AGBL4: variants seen among roughly 807,000 people sequenced by gnomAD.
AGBL4 encodes cytosolic carboxypeptidase 6.
AGBL4 carries 58 observed loss-of-function variants against 66.4 expected under a neutral mutation model. The ratio of observed to expected loss-of-function variants is 0.87; its 90% CI spans 0.71 to 1.09. The LOEUF is 1.09. Among genes scored for constraint, AGBL4 ranks in the 50% least tolerant of loss-of-function variants. The pLI is 0.00. For missense variants in AGBL4, 579 were observed against 631.0 expected (o/e 0.92, Z 0.88); for synonymous variants, 234 against 222.9 (o/e 1.05, Z -0.44).
At chr1:49,574,115 G>C (rs777271720) in intron 3 of AGBL4, among the ~76,000 whole-genome samples, 1 of 152,214 alleles carries the variant, frequency 6.6e-6, no homozygotes, top group Non-Finnish European at 1.5e-5. Context: ...TGGGCCCCTA[G>C]AGGTAAGGGT....
intron 4 of AGBL4, among the ~76,000 whole-genome samples, chr1:49,195,496 T>C (rs930571473): frequency 1.5e-4 from 23 of 152,260 alleles, no homozygotes; most frequent in Admixed American, 7.2e-4. Context: ...CTTTTCTGGT[T>C]TGTAAGGTGT....
chr1:48,914,464 T>C (rs764592980), intron 5 of AGBL4, among the ~76,000 whole-genome samples: 3 of 152,196 alleles, frequency 2.0e-5, no homozygotes, highest in Non-Finnish European at 4.4e-5. Flanking sequence ...TAAATTCTTT[T>C]AAATAACTTT....
intron 2 of AGBL4, among the ~76,000 whole-genome samples, chr1:49,761,760 C>T (rs766969248): frequency 1.3e-5 from 2 of 152,126 alleles, no homozygotes; most frequent in African/African-American, 2.4e-5. Flanking sequence ...TACTGTTAAC[C>T]ATCATCACCT....
rs867946894 is a variant in AGBL4 at position 49,629,219 on chromosome 1, C to T, written c.282+68094G>A. Among the ~76,000 whole-genome samples, 50 of 152,180 alleles carry T rather than the reference C, an allele frequency of 3.3e-4. 1 individual carries two copies. The highest frequency in any genetic ancestry group is 1.3e-4 in the Non-Finnish European group (9 of 68,036). On this transcript the variant is annotated intron_variant, in intron 3 of 13. Coordinates refer to ENST00000371839, the MANE Select transcript of AGBL4 (RefSeq NM_032785.4). ...CAATGGCAGAGTTGAATAGCTGTGA[C>T]GGAGATAGCATGGCCACAGGCCTAA...
rs114435740 is a variant in AGBL4, at chr1:49,854,371, T to A, written c.35-2853A>T. 3.4e-3 allele frequency among the ~76,000 whole-genome samples: 517 copies of A among 151,968 alleles called. 6 individuals are homozygous for A. The highest frequency in any genetic ancestry group is 0.012 in the African/African-American group (497 of 41,456). ...ATGATTGTCTCAGATCCAAAAGAAG[T>A]TCCCCACTGCAAAGGAAAGGTAAGT... On this transcript the variant is annotated intron_variant, in intron 1 of 13. Coordinates refer to ENST00000371839, the MANE Select transcript of AGBL4 (RefSeq NM_032785.4).
chr1:49,513,129 C>A (rs539082815), intron 3 of AGBL4, among the ~76,000 whole-genome samples: 1 of 152,176 alleles, frequency 6.6e-6, no homozygotes, highest in South Asian at 2.1e-4. Flanking sequence ...AAATGAACCT[C>A]TATCTTTAAA....
intron 5 of AGBL4, among the ~76,000 whole-genome samples, chr1:48,984,762 T>C (rs933709717): frequency 6.6e-6 from 1 of 151,718 alleles, no homozygotes; most frequent in East Asian, 2.0e-4. Flanking sequence ...ACGGTGAAAG[T>C]TGGAACAAAT....
intron 3 of AGBL4, among the ~76,000 whole-genome samples, chr1:49,374,761 C>A (rs1644436994): frequency 6.6e-6 from 1 of 152,140 alleles, no homozygotes. Flanking sequence ...GCCACTAGCA[C>A]AAAACAGGCT....
chr1:48,617,757 C>T (rs1189821818), intron 9 of AGBL4, among the ~76,000 whole-genome samples: 1 of 152,196 alleles, frequency 6.6e-6, no homozygotes, highest in Non-Finnish European at 1.5e-5. Context: ...CGGCCATGAC[C>T]ATGGCTTGGA....
At chr1:49,674,687 T>C (rs1397660194) in intron 3 of AGBL4, among the ~76,000 whole-genome samples, 3 of 151,814 alleles carry the variant, frequency 2.0e-5, no homozygotes, top group Non-Finnish European at 4.4e-5. Flanking sequence ...CCTAACTATC[T>C]ACCTAGATCT....
intron 6 of AGBL4, among the ~76,000 whole-genome samples, chr1:48,800,034 CCT>C (rs1645774337): frequency 6.6e-6 from 1 of 152,028 alleles, no homozygotes; most frequent in African/African-American, 2.4e-5. Flanking sequence ...GGGAGGATTC[CCT>C]CTTTTTGTAT....
intron 6 of AGBL4, among the ~76,000 whole-genome samples, chr1:48,666,849 T>A (rs1275523305): frequency 6.6e-6 from 1 of 152,248 alleles, no homozygotes. Context: ...GTAGCACTTA[T>A]TCTTTGCCAG....
chr1:49,726,495 C>T (rs924008968), intron 2 of AGBL4, among the ~76,000 whole-genome samples: 3 of 152,018 alleles, frequency 2.0e-5, no homozygotes, highest in Non-Finnish European at 4.4e-5. Context: ...GAGTATGAGA[C>T]AATAGAAACC....
chr1:49,633,098 A>T (rs898432366), intron 3 of AGBL4, among the ~76,000 whole-genome samples: 2 of 151,976 alleles, frequency 1.3e-5, no homozygotes, highest in Admixed American at 6.6e-5. Flanking sequence ...AAATAAAAAT[A>T]AAAATAAAAA....
intron 4 of AGBL4, among the ~76,000 whole-genome samples, chr1:49,215,692 A>G (rs147853360): frequency 6.6e-6 from 1 of 152,134 alleles, no homozygotes; most frequent in East Asian, 1.9e-4. Flanking sequence ...TCTGGACACA[A>G]TATGCTGGGT....
intron 5 of AGBL4, among the ~76,000 whole-genome samples, chr1:49,015,742 T>C (rs938145338): frequency 3.9e-5 from 6 of 152,108 alleles, no homozygotes; most frequent in Non-Finnish European, 8.8e-5. Flanking sequence ...TTTTTAACAT[T>C]ATCCTTACTC....
chr1:48,602,175 C>T (rs974581543), intron 9 of AGBL4, among the ~76,000 whole-genome samples: 4 of 152,020 alleles, frequency 2.6e-5, no homozygotes, highest in African/African-American at 9.7e-5. Flanking sequence ...ACATGTCTAA[C>T]CACTCAGCTG....
chr1:49,353,184 C>T (rs1289277740), intron 3 of AGBL4, among the ~76,000 whole-genome samples: 3 of 152,194 alleles, frequency 2.0e-5, no homozygotes, highest in African/African-American at 4.8e-5. Context: ...TAGTCCGTCT[C>T]TGCTGTTAAA....
chr1:49,257,818 C>A (rs1051856343), intron 3 of AGBL4, among the ~76,000 whole-genome samples: 1 of 152,086 alleles, frequency 6.6e-6, no homozygotes, highest in African/African-American at 2.4e-5. Context: ...TTGGCTCCTC[C>A]AGCACGGAGC....
Sources: gnomAD v4.1 joint callset for allele counts (sites outside exome capture counted in the v4.1 genomes callset) on GRCh38, gnomAD v4.1.1 for gene constraint, MANE v1.5 for transcripts, NCBI Gene and HGNC (gene_info 2026-07-23, HGNC 2026-07-21) for gene names.